ERC2: variants seen among roughly 807,000 people sequenced by gnomAD.
The protein encoded by ERC2 is ELKS/RAB6-interacting/CAST family member 2.
ERC2 carries 42 observed loss-of-function variants against 114.8 expected under a neutral mutation model. The ratio of observed to expected loss-of-function variants is 0.37; its 90% confidence interval spans 0.29 to 0.47. The LOEUF is 0.47. ERC2 is among the 20% of genes least tolerant of loss of function. The pLI, the probability that ERC2 is intolerant of heterozygous loss-of-function variation, is 0.99. For missense variants in ERC2, 939 were observed against 1,150.7 expected, an observed-to-expected ratio of 0.82 and a Z score of 2.66; for synonymous variants, 454 against 425.5, an observed-to-expected ratio of 1.07 and a Z score of -0.82.
At chr3:55,688,164 A>G (rs1290056326) in intron 16 of ERC2, among the ~76,000 whole-genome samples, 2 of 152,224 alleles carry the variant, frequency 1.3e-5, no homozygotes, top group Non-Finnish European at 2.9e-5. Context: ...AGCCAGGTTC[A>G]GAAATCTGCT....
chr3:56,165,930 G>A (rs946351311), intron 4 of ERC2, among the ~76,000 whole-genome samples: 5 of 151,136 alleles, frequency 3.3e-5, no homozygotes, highest in African/African-American at 9.7e-5. Flanking sequence ...TAGCATTATC[G>A]AACAGAAGTG....
intron 7 of ERC2, among the ~76,000 whole-genome samples, chr3:56,044,830 C>T (rs915027350): frequency 5.3e-5 from 8 of 152,060 alleles, no homozygotes; most frequent in African/African-American, 1.9e-4. Flanking sequence ...AATACAAACC[C>T]AGAGGAAGGA....
chr3:55,522,743 C>T (rs1279599187), intron 17 of ERC2, among the ~76,000 whole-genome samples: 2 of 152,182 alleles, frequency 1.3e-5, no homozygotes, highest in Non-Finnish European at 2.9e-5. Flanking sequence ...ATCTCCAGCT[C>T]CCACTCAGGG....
At chr3:55,589,631 T>A (rs147956231) in intron 17 of ERC2, among the ~76,000 whole-genome samples, 1 of 152,230 alleles carries the variant, frequency 6.6e-6, no homozygotes, top group African/African-American at 2.4e-5. Flanking sequence ...AAGGAGCTTA[T>A]ACGTGAATTC....
chr3:56,211,285 T>A (rs1575846832), intron 3 of ERC2, among the ~76,000 whole-genome samples: 2 of 152,092 alleles, frequency 1.3e-5, no homozygotes, highest in Admixed American at 1.3e-4. Context: ...ACAAATCAGG[T>A]GCCCTGCTAT....
At chr3:56,056,981 G>A (rs1454257534) in intron 7 of ERC2, among the ~76,000 whole-genome samples, 1 of 152,000 alleles carries the variant, frequency 6.6e-6, no homozygotes, top group Non-Finnish European at 1.5e-5. Context: ...GGTTGAGAAG[G>A]GTAAGGAACT....
intron 11 of ERC2, among the ~76,000 whole-genome samples, chr3:55,987,602 A>G (rs573197070): frequency 6.6e-6 from 1 of 152,350 alleles, no homozygotes; most frequent in South Asian, 2.1e-4. Context: ...GAAACTTCTA[A>G]AAGATATTAT....
chr3:55,710,310 T>A (rs373063692), intron 15 of ERC2, among the ~76,000 whole-genome samples: 1 of 152,128 alleles, frequency 6.6e-6, no homozygotes, highest in Non-Finnish European at 1.5e-5. Context: ...TACATGAACA[T>A]GAAAACTCAT....
At chr3:56,086,283 C>T (rs527515490) in intron 6 of ERC2, among the ~76,000 whole-genome samples, 3 of 151,986 alleles carry the variant, frequency 2.0e-5, no homozygotes, top group South Asian at 2.1e-4. Flanking sequence ...AAATGGAGAG[C>T]GAGGATGGTT....
At chr3:56,463,340 G>A (rs746036142) in intron 1 of ERC2, among the ~76,000 whole-genome samples, 41 of 152,212 alleles carry the variant, frequency 2.7e-4, no homozygotes, top group Non-Finnish European at 5.9e-5. Context: ...TTAAAGAGCT[G>A]AAAAGTTCTT....
chr3:55,769,592 G>C (rs993822160), intron 14 of ERC2, among the ~76,000 whole-genome samples: 1 of 151,990 alleles, frequency 6.6e-6, no homozygotes, highest in South Asian at 2.1e-4. Context: ...AAATATATTT[G>C]GTTGAACAAT....
At chr3:56,348,041 A>G (rs1442127612) in intron 2 of ERC2, among the ~76,000 whole-genome samples, 1 of 152,112 alleles carries the variant, frequency 6.6e-6, no homozygotes, top group Non-Finnish European at 1.5e-5. Context: ...ATAATTCTCA[A>G]TTTTGCTTAA....
At chr3:56,378,095 C>T (rs1334191200) in intron 2 of ERC2, among the ~76,000 whole-genome samples, 2 of 151,888 alleles carry the variant, frequency 1.3e-5, no homozygotes, top group Non-Finnish European at 2.9e-5. Context: ...GACTATAAAT[C>T]ATGCTGCTAT....
At chr3:55,990,282 A>T (rs1380424597) in intron 11 of ERC2, among the ~76,000 whole-genome samples, 1 of 152,234 alleles carries the variant, frequency 6.6e-6, no homozygotes, top group Non-Finnish European at 1.5e-5. Flanking sequence ...ATTGGTCACA[A>T]TGAATAAAAA....
chr3:55,574,339 C>T (rs2056868986), intron 17 of ERC2, among the ~76,000 whole-genome samples: 1 of 152,174 alleles, frequency 6.6e-6, no homozygotes, highest in African/African-American at 2.4e-5. Flanking sequence ...GCAGGACTTT[C>T]CTTTGCCAAA....
intron 13 of ERC2, among the ~76,000 whole-genome samples, chr3:55,908,680 C>A (rs1352875622): frequency 6.6e-6 from 1 of 152,150 alleles, no homozygotes; most frequent in Non-Finnish European, 1.5e-5. Flanking sequence ...AAACTGAGCT[C>A]ATGAATTAGA....
At chr3:56,111,577 T>TAGG (rs2078967922) in intron 6 of ERC2, among the ~76,000 whole-genome samples, 2 of 152,134 alleles carry the variant, frequency 1.3e-5, no homozygotes, top group Non-Finnish European at 2.9e-5. Context: ...GCAGACCACT[T>TAGG]ACAGCAGCAC....
chr3:56,300,915 G>A (rs142023222), intron 2 of ERC2, among the ~76,000 whole-genome samples: 15 of 152,254 alleles, frequency 9.9e-5, no homozygotes, highest in Non-Finnish European at 1.5e-5. Flanking sequence ...AAGCAGACAG[G>A]TAGGCATTTA....
chr3:55,598,532 C>T (rs2058254079), intron 17 of ERC2, among the ~76,000 whole-genome samples: 1 of 152,256 alleles, frequency 6.6e-6, no homozygotes, highest in African/African-American at 2.4e-5. Flanking sequence ...ACTAGCATTT[C>T]AGACACCTGC....
Sources: gnomAD v4.1 joint callset for allele counts (sites outside exome capture counted in the v4.1 genomes callset) on GRCh38, gnomAD v4.1.1 for gene constraint, MANE v1.5 for transcripts, NCBI Gene and HGNC (gene_info 2026-07-23, HGNC 2026-07-21) for gene names.